KCNG3: variants seen among roughly 807,000 people sequenced by gnomAD.
KCNG3 encodes the protein voltage-gated potassium channel regulatory subunit KCNG3.
Under a neutral mutation model 29.0 loss-of-function variants are expected in KCNG3, and 15 were observed. The ratio of observed to expected loss-of-function variants is 0.52; its 90% CI spans 0.35 to 0.80. The LOEUF (loss-of-function observed/expected upper bound fraction) is 0.80. Among genes scored for constraint, KCNG3 ranks in the 30% least tolerant of loss-of-function variants. The pLI is 0.01. For missense variants in KCNG3, 512 were observed against 605.7 expected (o/e 0.85, Z 1.62); for synonymous variants, 322 against 248.9 (o/e 1.29, Z -2.76).
rs552926850 is a variant in KCNG3, at chr2:42,444,872, G to C, written c.666-293C>G. 4.0e-4 allele frequency among the ~76,000 whole-genome samples: 58 copies of C among 143,360 alleles called. No homozygotes were observed. The East Asian group carries it at 9.7e-3, about 24-fold the overall frequency. 94.0% of individuals were successfully genotyped at this position (143,360 alleles called of 152,430 possible). A position where few individuals can be genotyped will look rare whatever the true frequency, so the allele number is the denominator to read the frequency against. On this transcript the variant is annotated intron_variant, in intron 1 of 1. Coordinates refer to ENST00000306078, the MANE Select transcript of KCNG3 (RefSeq NM_133329.6). This position sits in a 1 kb window ranked among gnomAD's most constrained non-coding sequence, Gnocchi z 5.8. ...AGCCCAGGAGTTCGAGACCAACCTG[G>C]GCACCACAGCAAAACCCCGTCTCCA... is the stretch of plus-strand genomic sequence containing the variant.
intron 1 of KCNG3, among the ~76,000 whole-genome samples, chr2:42,490,949 C>A (rs1023843199): frequency 6.6e-6 from 1 of 152,180 alleles, no homozygotes; most frequent in Non-Finnish European, 1.5e-5. Context: ...GGCCATCCTG[C>A]AGTTTATCTG....
At chr2:42,484,343 T>G (rs1480916184) in intron 1 of KCNG3, among the ~76,000 whole-genome samples, 14 of 152,072 alleles carry the variant, frequency 9.2e-5, no homozygotes, top group Non-Finnish European at 2.9e-5. Context: ...ACACCTGTAG[T>G]CCCAGCTACT....
intron 1 of KCNG3, among the ~76,000 whole-genome samples, chr2:42,490,986 T>C (rs560296497): frequency 6.6e-6 from 1 of 152,184 alleles, no homozygotes; most frequent in Non-Finnish European, 1.5e-5. Context: ...TTGGTTTTCA[T>C]ATACCTACAC....
At chr2:42,412,939 T>G in the KCNG3 span, among the ~76,000 whole-genome samples, 1 of 152,144 alleles carries the variant, frequency 6.6e-6, no homozygotes, top group Non-Finnish European at 1.5e-5. Flanking sequence ...CTTTTTTATT[T>G]ATTTTTATTT....
At chr2:42,395,855 G>C in the KCNG3 span, among the ~76,000 whole-genome samples, 1 of 152,038 alleles carries the variant, frequency 6.6e-6, no homozygotes, top group Non-Finnish European at 1.5e-5. Context: ...TTGGGAAGCT[G>C]AGGTGGGACA....
At chr2:42,430,619 C>T in the KCNG3 span, among the ~76,000 whole-genome samples, 1 of 151,722 alleles carries the variant, frequency 6.6e-6, no homozygotes. Flanking sequence ...GGTGTGGTGG[C>T]ACACACCTGT....
At chr2:42,485,576 C>G (rs967915399) in intron 1 of KCNG3, among the ~76,000 whole-genome samples, 1 of 152,074 alleles carries the variant, frequency 6.6e-6, no homozygotes, top group Admixed American at 6.6e-5. Flanking sequence ...TCCCGAGTAG[C>G]TCGGACTACA....
chr2:42,410,505 C>A, the KCNG3 span, among the ~76,000 whole-genome samples: 1 of 152,172 alleles, frequency 6.6e-6, no homozygotes. Context: ...AAAATGGCAC[C>A]TTAGTCTAGA....
chr2:42,420,167 T>C, the KCNG3 span, among the ~76,000 whole-genome samples: 2 of 152,016 alleles, frequency 1.3e-5, no homozygotes, highest in African/African-American at 4.8e-5. Flanking sequence ...GAGGTTGCAA[T>C]GAGCTGAGAT....
At chr2:42,470,098 T>A (rs972904752) in intron 1 of KCNG3, 1 of 480,410 alleles carries the variant, frequency 2.1e-6, no homozygotes. Context: ...AGAAAGCAGT[T>A]GCTGTTCAAA....
rs746661038 is a variant in KCNG3 at position 42,444,284 on chromosome 2, G to C, written c.961C>G (p.Arg321Gly). 6.2e-7 allele frequency: 1 copy of C among 1,614,080 alleles called. No individual in the cohort carries two copies. The highest frequency in any genetic ancestry group is 1.1e-5 in the South Asian group (1 of 91,060). The change falls in exon 2 of 2, where the codon CGA becomes GGA. Residue 321 changes from arginine (R) to glycine (G), a missense_variant. This residue lies in a region of KCNG3 where 173 missense variants were observed against 262.4 expected (regional missense o/e 0.66). Transcript: ENST00000306078. The surrounding 1 kb of genome is among the most constrained non-coding windows in gnomAD (Gnocchi z 5.8). ...AAGACAAGTAACATAACCATCTCTC[G>C]GTAGCAACGTTTGAGAGTCAAACCG... ...TLGLTLKRCY[R>G]EMVMLLVFIC...
the KCNG3 span, among the ~76,000 whole-genome samples, chr2:42,430,001 T>A: frequency 1.3e-5 from 2 of 152,142 alleles, no homozygotes; most frequent in African/African-American, 2.4e-5. Context: ...AGTCTATAAA[T>A]ACAGAGAGAA....
At chr2:42,394,203 C>T in the KCNG3 span, among the ~76,000 whole-genome samples, 1 of 152,198 alleles carries the variant, frequency 6.6e-6, no homozygotes, top group Non-Finnish European at 1.5e-5. Context: ...ATGACCATGA[C>T]ATGCTGCAGG....
the KCNG3 span, among the ~76,000 whole-genome samples, chr2:42,404,593 G>A: frequency 6.6e-6 from 1 of 152,106 alleles, no homozygotes; most frequent in East Asian, 1.9e-4. Flanking sequence ...GCCGGGCGTC[G>A]TGGCACACAC....
At chr2:42,483,711 T>C (rs1054151041) in intron 1 of KCNG3, among the ~76,000 whole-genome samples, 2 of 152,252 alleles carry the variant, frequency 1.3e-5, no homozygotes, top group Non-Finnish European at 2.9e-5. Context: ...AAATGAATTA[T>C]GGCACATCCA....
chr2:42,492,969 A>G lies in KCNG3; in HGVS notation c.533T>C (p.Val178Ala), dbSNP rs1356234281. Reference protein sequence around the residue: ...LAAQILASVSVVFVIVSMVVL... With the variant: ...LAAQILASVSAVFVIVSMVVL... ...CACCATGGACACGATCACGAACACC[A>G]CCGACACGCTAGCCAGGATCTGCGC... The change falls in exon 1 of 2, where the codon GTG (valine) becomes GCG (alanine). Residue 178 changes from valine to alanine, a missense_variant. By Grantham distance (64) the Val-to-Ala change is moderately conservative. Around this residue, in one of 5 missense-constraint regions of KCNG3, gnomAD observed 228 missense variants for 200.0 expected, o/e 1.14. Transcript: ENST00000306078. The G allele has an allele frequency of 6.4e-7, 1 of 1,563,226 alleles. No homozygotes were observed.
the KCNG3 span, among the ~76,000 whole-genome samples, chr2:42,430,285 T>G: frequency 6.6e-6 from 1 of 151,692 alleles, no homozygotes; most frequent in Non-Finnish European, 1.5e-5. Context: ...GGAGGATTGC[T>G]TGAGCCCAGG....
chr2:42,437,897 C>T (rs1672401465), downstream of KCNG3, among the ~76,000 whole-genome samples: 1 of 145,992 alleles, frequency 6.8e-6, no homozygotes, highest in South Asian at 2.1e-4. Flanking sequence ...GAGATTGTGC[C>T]ATTGCACTCC....
chr2:42,411,149 T>G, the KCNG3 span, among the ~76,000 whole-genome samples: 1 of 152,226 alleles, frequency 6.6e-6, no homozygotes, highest in Non-Finnish European at 1.5e-5. Flanking sequence ...GATATGTCTA[T>G]TCATTCATCA....
Sources: gnomAD v4.1 joint callset for allele counts (sites outside exome capture counted in the v4.1 genomes callset) on GRCh38, gnomAD v4.1.1 for gene constraint, gnomAD v4.1.1 regional missense constraint, Gnocchi (gnomAD v3.1) non-coding constraint, MANE v1.5 for transcripts, NCBI Gene and HGNC (gene_info 2026-07-23, HGNC 2026-07-21) for gene names.